The following JAK1 variants were observed in gnomAD, a reference collection of about 807,000 sequenced individuals.
JAK1 encodes the protein Janus kinase 1.
A neutral mutation model predicts 136.6 loss-of-function variants in JAK1; 16 were observed. The ratio of observed to expected loss-of-function variants is 0.12; its 90% CI spans 0.08 to 0.18. The LOEUF (loss-of-function observed/expected upper bound fraction) is 0.18, where lower values mean the gene tolerates loss of function less well. JAK1 is among the 10% of genes least tolerant of loss of function. The pLI is 1.00. For missense variants in JAK1, 859 were observed against 1,450.1 expected (o/e 0.59, Z 6.62); for synonymous variants, 492 against 519.5 (o/e 0.95, Z 0.72).
chr1:64,852,285 G>C (rs930850568), intron 11 of JAK1, among the ~76,000 whole-genome samples: 15 of 152,376 alleles, frequency 9.8e-5, no homozygotes, highest in African/African-American at 3.6e-4. Context: ...AGGCCAGGCA[G>C]TTCGTAATCT....
At chr1:65,015,125 A>G (rs1646882495) in intron 2 of JAK1, among the ~76,000 whole-genome samples, 1 of 152,248 alleles carries the variant, frequency 6.6e-6, no homozygotes, top group Non-Finnish European at 1.5e-5. Flanking sequence ...GAAGGGTGTC[A>G]TTCTGGAAGA....
At chr1:64,956,156 C>T (rs879528633) in intron 1 of JAK1, among the ~76,000 whole-genome samples, 5 of 152,176 alleles carry the variant, frequency 3.3e-5, no homozygotes, top group Non-Finnish European at 5.9e-5. Context: ...CTGTACTGTG[C>T]TCAAAGCTGA....
At chr1:64,867,914 T>C (rs1656804842) in intron 6 of JAK1, among the ~76,000 whole-genome samples, 1 of 152,020 alleles carries the variant, frequency 6.6e-6, no homozygotes, top group African/African-American at 2.4e-5. Flanking sequence ...CGCTTGAACC[T>C]GGGAGGCCAA....
rs116526641 is a variant in JAK1 at position 65,035,281 on chromosome 1, T to C, written c.-78+9199A>G. The stretch of plus-strand genomic sequence containing the variant: ...ACTGGCAAGCTAAACCAGCTTCTTG[T>C]GACCTGTAGTTTCTAGACAGAGCCC... On this transcript the variant is annotated intron_variant, in intron 2 of 25. Coordinates refer to the JAK1 transcript ENST00000671954. Among the ~76,000 whole-genome samples the C allele has an allele frequency of 6.9e-3, 1,050 of 152,324 alleles. 7 individuals carry two copies. Among genetic ancestry groups the C allele is most frequent in the African/African-American group, 0.024 (1,018 of 41,580 alleles).
At chr1:64,989,012 A>G (rs796456140) in intron 2 of JAK1, among the ~76,000 whole-genome samples, 14,120 of 139,402 alleles carry the variant, frequency 0.1, 837 homozygotes, top group East Asian at 0.26. Context: ...GTATATATAT[A>G]TATATATATA....
chr1:64,851,959 C>T (rs530824155), intron 11 of JAK1, among the ~76,000 whole-genome samples: 1 of 152,306 alleles, frequency 6.6e-6, no homozygotes, highest in South Asian at 2.1e-4. Context: ...CCTAAAAGAA[C>T]ATCTGTAGAA....
At position 65,033,718 on chromosome 1, in the gene JAK1, G is replaced by A. The variant is rs563562711; in HGVS notation, c.-78+10762C>T. Among the ~76,000 whole-genome samples the A allele has an allele frequency of 5.4e-5, 6 of 111,658 alleles. No individual in the cohort carries two copies. In the East Asian group the frequency reaches 1.6e-3, roughly 31 times the overall value. 73.3% of individuals were successfully genotyped at this position (111,658 alleles called of 152,430 possible). On this transcript the variant is annotated intron_variant, in intron 2 of 25. Coordinates refer to the JAK1 transcript ENST00000671954. ...GCCCAGGTAACATTGTGAGACTCCC[G>A]TAGTACCAAAAAAAAAAAAAAAAAA...
intron 2 of JAK1, among the ~76,000 whole-genome samples, chr1:65,019,127 G>C (rs1038657948): frequency 6.6e-6 from 1 of 152,134 alleles, no homozygotes; most frequent in African/African-American, 2.4e-5. Flanking sequence ...TCCAGGACCA[G>C]AAGCCTTTCA....
intron 13 of JAK1, 62 bp from the exon 14 acceptor site, chr1:64,846,798 G>A (rs2101010627): frequency 7.5e-7 from 1 of 1,327,902 alleles, no homozygotes; most frequent in South Asian, 1.2e-5. Context: ...CTCCCCAGGG[G>A]CTCTGTTGAG....
intron 3 of JAK1, among the ~76,000 whole-genome samples, chr1:64,881,034 T>A (rs1420073366): frequency 1.3e-5 from 2 of 151,978 alleles, no homozygotes; most frequent in African/African-American, 4.8e-5. Context: ...TTCAGGAGGC[T>A]AAAGCAGGAG....
intron 1 of JAK1, among the ~76,000 whole-genome samples, chr1:65,055,825 T>C (rs571050397): frequency 3.3e-5 from 5 of 152,334 alleles, no homozygotes; most frequent in Non-Finnish European, 7.4e-5. Flanking sequence ...AGCATGACTC[T>C]GTCCGTAGTG....
intron 1 of JAK1, among the ~76,000 whole-genome samples, chr1:64,936,520 G>A (rs1466244374): frequency 6.6e-6 from 1 of 152,116 alleles, no homozygotes; most frequent in Non-Finnish European, 1.5e-5. Flanking sequence ...ACAAAGAGAG[G>A]TACCTTATGT....
chr1:64,920,923 A>G (rs1225805683), intron 1 of JAK1, among the ~76,000 whole-genome samples: 1 of 152,226 alleles, frequency 6.6e-6, no homozygotes, highest in Non-Finnish European at 1.5e-5. Context: ...TAGAAAAAAT[A>G]AGAGACACAG....
At chr1:64,849,767 G>A (rs887521685) in intron 12 of JAK1, among the ~76,000 whole-genome samples, 1 of 152,160 alleles carries the variant, frequency 6.6e-6, no homozygotes, top group Non-Finnish European at 1.5e-5. Context: ...AAAAGAGGCA[G>A]GCCCCACAGA....
chr1:64,992,217 TAA>T (rs1481272019), intron 2 of JAK1: 2 of 151,530 alleles, frequency 1.3e-5, no homozygotes, highest in Non-Finnish European at 1.5e-5. Context: ...CCGCCTCTAC[TAA>T]AAATACAAGA....
At chr1:64,909,240 C>T (rs1378599179) in intron 1 of JAK1, among the ~76,000 whole-genome samples, 1 of 152,184 alleles carries the variant, frequency 6.6e-6, no homozygotes, top group Non-Finnish European at 1.5e-5. Flanking sequence ...GCAGCAGTTG[C>T]TGCTCACAAG....
chr1:64,985,395 T>A, intron 2 of JAK1: 1 of 1,610,818 alleles, frequency 6.2e-7, no homozygotes, highest in East Asian at 2.2e-5. Flanking sequence ...TTGGGATACA[T>A]CCTGGGTGCC....
Position 64,885,450 on chromosome 1 carries a change from T to C in JAK1, c.6+809A>G, listed in dbSNP as rs567753306. 9.5e-4 allele frequency among the ~76,000 whole-genome samples: 144 copies of C among 152,252 alleles called. 1 individual carries two copies. The highest frequency in any genetic ancestry group is 2.6e-3 in the African/African-American group (109 of 41,544). ...AATTATATATTTACAGGATGTCACATTGTTTGAAATATGAAAAAATCGGCT... is the reference window on the plus strand; with the variant it reads ...AATTATATATTTACAGGATGTCACACTGTTTGAAATATGAAAAAATCGGCT... On this transcript the variant is annotated intron_variant, in intron 2 of 24. Coordinates refer to ENST00000342505, the MANE Select transcript of JAK1 (RefSeq NM_002227.4).
chr1:65,065,135 A>G (rs1647984427), intron 1 of JAK1, among the ~76,000 whole-genome samples: 1 of 152,106 alleles, frequency 6.6e-6, no homozygotes, highest in South Asian at 2.1e-4. Context: ...AGGTAGTTCT[A>G]TTTTGAGCCT....
Sources: gnomAD v4.1 joint callset for allele counts (sites outside exome capture counted in the v4.1 genomes callset) on GRCh38, gnomAD v4.1.1 for gene constraint, MANE v1.5 for transcripts, NCBI Gene and HGNC (gene_info 2026-07-23, HGNC 2026-07-21) for gene names.